The following VENTX variants were observed in gnomAD, a reference collection of about 807,000 sequenced individuals.
VENTX encodes the protein homeobox protein VENTX.
A neutral mutation model predicts 10.5 loss-of-function variants in VENTX; 13 were observed. That is an observed-to-expected ratio of 1.23 (90% CI 0.80 to 1.96). The LOEUF (loss-of-function observed/expected upper bound fraction) is 1.96. Ranked by LOEUF, VENTX falls within the 30% of genes most tolerant of loss-of-function variation. The pLI is 0.00. For synonymous variants in VENTX, 177 were observed against 150.4 expected (o/e 1.18, Z -1.29); for missense variants, 400 against 341.8 (o/e 1.17, Z -1.34).
rs1000354641 is a variant in VENTX at position 133,241,669 on chromosome 10, G to A, written c.*1363G>A. 2.6e-5 allele frequency: 4 copies of A among 152,248 alleles called. No individual in the cohort carries two copies. Among genetic ancestry groups the A allele is most frequent in the African/African-American group, 4.8e-5 (2 of 41,452 alleles). The allele number at this position is 152,248 out of a possible 1,614,324, so 9.4% of individuals were successfully genotyped here. ...AACAGAAGCGTGGTCCTGCGGCTGC[G>A]TCCCCAGCGAGTTTCACTTTCCCCT... On this transcript the variant is annotated 3_prime_UTR_variant, in exon 3 of 3. Coordinates refer to ENST00000325980, the MANE Select transcript of VENTX (RefSeq NM_014468.4).
rs753126544 is a variant in VENTX at position 133,238,000 on chromosome 10, C to T, written c.86C>T (p.Ser29Leu). ...SVDWLSQSSC[S>L]GPTHTPRPAD... ...GACTGGCTCTCCCAGAGCAGCTGCT[C>T]AGGGCCGACCCACACCCCCAGGCCT... is the stretch of plus-strand genomic sequence containing the variant. The change falls in exon 1 of 3, where the codon TCA becomes TTA. Residue 29 changes from serine to leucine, a missense_variant. Physicochemically the swap from Ser to Leu is moderately radical, Grantham distance 145. Transcript: ENST00000325980. The T allele has an allele frequency of 2.5e-6, 4 of 1,600,248 alleles. No homozygotes were observed. Among genetic ancestry groups the T allele is most frequent in the Middle Eastern group, 2.2e-4 (1 of 4,592 alleles).
In VENTX at chr10:133,240,975, C is replaced by G. The variant is rs775857366; in HGVS notation, c.*669C>G. ...TGTCATGGGTAGGGCTTTCGGCGTA[C>G]GATAAAAGGATCATTTGTTTTTTAA... On this transcript the variant is annotated 3_prime_UTR_variant, in exon 3 of 3. Coordinates refer to ENST00000325980, the MANE Select transcript of VENTX (RefSeq NM_014468.4). 6.6e-6 allele frequency: 1 copy of G among 151,974 alleles called. No individual in the cohort carries two copies. The highest frequency in any genetic ancestry group is 1.5e-5 in the Non-Finnish European group (1 of 68,016). 9.4% of individuals were successfully genotyped at this position (151,974 alleles called of 1,614,324 possible).
At chr10:133,239,006 C>T (rs1845891703) in intron 1 of VENTX, among the ~76,000 whole-genome samples, 1 of 152,220 alleles carries the variant, frequency 6.6e-6, no homozygotes, top group South Asian at 2.1e-4. Context: ...AAGGCATTTG[C>T]TTTTTGGGTC....
At position 133,239,658 on chromosome 10, in the gene VENTX, C is replaced by A; in HGVS notation, c.242-18C>A. 1 of 1,610,884 alleles carries A rather than the reference C, an allele frequency of 6.2e-7. No individual in the cohort carries two copies. The highest frequency in any genetic ancestry group is 8.5e-7 in the Non-Finnish European group (1 of 1,179,902). On this transcript the variant is annotated intron_variant, in intron 1 of 2. Transcript: ENST00000325980. The stretch of plus-strand genomic sequence containing the variant: ...TGGGGTGGCATGTTGAGCCAAATGC[C>A]CTTACCCTCTATGTCAGGGTTGAGT...
In VENTX at chr10:133,239,920, C is replaced by T; in HGVS notation, c.403-12C>T. ...TAGTCTCACCCCTGTTCTGATCTTG[C>T]TTTTCCTACAGATAAAAACCTGGTT... On this transcript the variant is annotated splice_polypyrimidine_tract_variant and intron_variant, in intron 2 of 2. Coordinates refer to ENST00000325980, the MANE Select transcript of VENTX (RefSeq NM_014468.4). 6.2e-7 allele frequency: 1 copy of T among 1,610,634 alleles called. No homozygotes were observed.
rs901550566 is a variant in VENTX, at chr10:133,241,830, A to G, written c.*1524A>G. 1.3e-5 allele frequency: 2 copies of G among 152,328 alleles called. No homozygotes were observed. Among genetic ancestry groups the G allele is most frequent in the Admixed American group, 6.5e-5 (1 of 15,294 alleles). The allele number at this position is 152,328 out of a possible 1,614,324, so 9.4% of individuals were successfully genotyped here. ...AGCCTGGGCGAGGCCCTCGGAGGGC[A>G]GCAGCTGGACAGGGACTACTGGGTT... On this transcript the variant is annotated 3_prime_UTR_variant, in exon 3 of 3. Coordinates refer to ENST00000325980, the MANE Select transcript of VENTX (RefSeq NM_014468.4).
chr10:133,240,176 C>T lies in VENTX; in HGVS notation c.647C>T (p.Ala216Val), dbSNP rs772114011. 15 of 1,609,322 alleles carry T rather than the reference C, an allele frequency of 9.3e-6. No individual in the cohort carries two copies. Among genetic ancestry groups the T allele is most frequent in the East Asian group, 6.7e-5 (3 of 44,868 alleles). Residue 216 changes from alanine (A) to valine (V), a missense_variant, in exon 3 of 3, where the codon GCG becomes GTG. Ala to Val is a moderately conservative substitution (Grantham distance 64, BLOSUM62 0). Coordinates refer to ENST00000325980, the MANE Select transcript of VENTX (RefSeq NM_014468.4). ...CQVAQEALASAGASCCGQPLA... is the reference protein window; with the variant it reads ...CQVAQEALASVGASCCGQPLA... ...GTGGCACAAGAGGCCCTGGCATCTG[C>T]GGGAGCTTCCTGCTGCGGGCAGCCT...
rs369681310 is a variant in VENTX at position 133,240,177 on chromosome 10, G to A, written c.648G>A (p.Ala216=). The change falls in exon 3 of 3, where the codon GCG becomes GCA. Residue 216 remains alanine (A), a synonymous_variant. Coordinates refer to ENST00000325980, the MANE Select transcript of VENTX (RefSeq NM_014468.4). ...TGGCACAAGAGGCCCTGGCATCTGC[G>A]GGAGCTTCCTGCTGCGGGCAGCCTC... ...CQVAQEALAS[A]GASCCGQPLA... is the part of the protein sequence containing the mutation. 97 of 1,609,348 alleles carry A rather than the reference G, an allele frequency of 6.0e-5. No individual in the cohort carries two copies. The highest frequency in any genetic ancestry group is 4.5e-5 in the East Asian group (2 of 44,862).
At position 133,240,291 on chromosome 10, in the gene VENTX, G is replaced by C. The variant is rs528996055; in HGVS notation, c.762G>C (p.Thr254=). The C allele has an allele frequency of 6.3e-7, 1 of 1,583,158 alleles. No homozygotes were observed. Among genetic ancestry groups the C allele is most frequent in the Admixed American group, 1.8e-5 (1 of 55,374 alleles). ...GPRGLCAMPQ[T]GDAF is the part of the protein sequence containing the mutation. ...GGGGCCTGTGTGCTATGCCACAGAC[G>C]GGGGATGCATTTTGAGGAGGCACCT... Residue 254 remains threonine (T), a synonymous_variant, in exon 3 of 3, where the codon ACG becomes ACC. Transcript: ENST00000325980.
At position 133,240,066 on chromosome 10, in the gene VENTX, C is replaced by G. The variant is rs1267202291; in HGVS notation, c.537C>G (p.Gly179=). The part of the protein sequence containing the change: ...FYSTSSGLAN[G]LQLLCPWAPL... ...CAACGTCTTCTGGCCTTGCCAATGG[C>G]CTGCAGCTGCTGTGCCCTTGGGCAC... The change falls in exon 3 of 3, where the codon GGC becomes GGG. Residue 179 remains glycine, a synonymous_variant. Coordinates refer to ENST00000325980, the MANE Select transcript of VENTX (RefSeq NM_014468.4). 2 of 1,611,618 alleles carry G rather than the reference C, an allele frequency of 1.2e-6. No individual in the cohort carries two copies. The highest frequency in any genetic ancestry group is 4.5e-5 in the East Asian group (2 of 44,904).
chr10:133,237,944 C>A lies in VENTX; in HGVS notation c.30C>A (p.Gly10=). 6.3e-7 allele frequency: 1 copy of A among 1,596,254 alleles called. No homozygotes were observed. Among genetic ancestry groups the A allele is most frequent in the Non-Finnish European group, 8.5e-7 (1 of 1,177,010 alleles). The change falls in exon 1 of 3, where the codon GGC becomes GGA. Residue 10 remains glycine (G), a synonymous_variant. Transcript: ENST00000325980. The part of the protein sequence containing the change: MRLSSSPPR[G]PQQLSSFGSV... ...GCCTCTCCTCCTCCCCACCTCGTGG[C>A]CCGCAGCAGCTCTCCAGCTTTGGCT...
rs1845917874 is a variant in VENTX at position 133,240,423 on chromosome 10, G to A, written c.*117G>A. 1 of 1,218,826 alleles carries A rather than the reference G, an allele frequency of 8.2e-7. No homozygotes were observed. 75.5% of individuals were successfully genotyped at this position (1,218,826 alleles called of 1,614,324 possible). A position where few individuals can be genotyped will look rare whatever the true frequency, so the allele number is the denominator to read the frequency against. On this transcript the variant is annotated 3_prime_UTR_variant, in exon 3 of 3. Transcript: ENST00000325980. ...CACCTCTCACCCTGACCCACACAAA[G>A]GTTCTGGAGATTACTGGAGAATATA...
In VENTX at chr10:133,239,757, G is replaced by A. The variant is rs140323759; in HGVS notation, c.323G>A (p.Gly108Asp). 1,215 of 1,611,286 alleles carry A rather than the reference G, an allele frequency of 7.5e-4. 11 individuals are homozygous for A. In the African/African-American group the frequency reaches 0.014, roughly 18 times the overall value. ...FTMEQVRTLE[G>D]VFQHHQYLSP... ...ATGGAGCAGGTCCGCACCTTGGAGG[G>A]CGTCTTCCAGCACCACCAGTACCTG... Residue 108 changes from glycine (G) to aspartate (D), a missense_variant, in exon 2 of 3, where the codon GGC becomes GAC. Transcript: ENST00000325980.
chr10:133,237,897 C>T lies in VENTX; in HGVS notation c.-18C>T, dbSNP rs1845871087. ...TGGCCAGCCCCGCCTGGCCTTCCCT[C>T]CGGCCCACCTGGCCGCCATGCGCCT... On this transcript the variant is annotated 5_prime_UTR_variant, in exon 1 of 3. Transcript: ENST00000325980. The T allele has an allele frequency of 6.4e-7, 1 of 1,568,056 alleles. No individual in the cohort carries two copies. The highest frequency in any genetic ancestry group is 1.4e-5 in the African/African-American group (1 of 74,014).
chr10:133,238,531 C>T (rs1564909569), intron 1 of VENTX, among the ~76,000 whole-genome samples: 1 of 125,044 alleles, frequency 8.0e-6, no homozygotes, highest in East Asian at 2.3e-4. Context: ...ATTTGCCAAG[C>T]CCCCCGCCCC....
In VENTX at chr10:133,241,034, A is replaced by G. The variant is rs1230831964; in HGVS notation, c.*728A>G. ...GGAAAAACTGGTTTTCCAGTTGGAAACAGTAAAGGTTGTAAGCTTTGTGTG... is the reference window on the plus strand; with the variant it reads ...GGAAAAACTGGTTTTCCAGTTGGAAGCAGTAAAGGTTGTAAGCTTTGTGTG... On this transcript the variant is annotated 3_prime_UTR_variant, in exon 3 of 3. Coordinates refer to ENST00000325980, the MANE Select transcript of VENTX (RefSeq NM_014468.4). 3 of 152,228 alleles carry G rather than the reference A, an allele frequency of 2.0e-5. No homozygotes were observed. Among genetic ancestry groups the G allele is most frequent in the African/African-American group, 7.2e-5 (3 of 41,458 alleles). The allele number at this position is 152,228 out of a possible 1,614,324, so 9.4% of individuals were successfully genotyped here. A position where few individuals can be genotyped will look rare whatever the true frequency, so the allele number is the denominator to read the frequency against.
Position 133,239,848 on chromosome 10 carries a change from C to T in VENTX, c.402+12C>T, listed in dbSNP as rs372876008. On this transcript the variant is annotated intron_variant, in intron 2 of 2. Transcript: ENST00000325980. The stretch of plus-strand genomic sequence containing the variant: ...TCTCAGAGGTCCAGGTGAGGTGGGC[C>T]GGGCAGGCTGGGGTGGGCAGGGGTG... 70 of 700,200 alleles carry T rather than the reference C, an allele frequency of 1.0e-4. No homozygotes were observed. Among genetic ancestry groups the T allele is most frequent in the African/African-American group, 7.8e-4 (31 of 39,788 alleles). The allele number at this position is 700,200 out of a possible 1,614,324, so 43.4% of individuals were successfully genotyped here.
chr10:133,238,289 C>T (rs1001846022), intron 1 of VENTX, 134 bp downstream of exon 1: 38 of 1,186,058 alleles, frequency 3.2e-5, no homozygotes, highest in Middle Eastern at 2.9e-4. Flanking sequence ...CCATGAGGGC[C>T]GGCGGAGGCC....
chr10:133,240,453 A>AATATATATACGTACATATATATATTT lies in VENTX; in HGVS notation c.*156_*157insCGTACATATATATATTTATATATATA. On this transcript the variant is annotated 3_prime_UTR_variant, in exon 3 of 3. Transcript: ENST00000325980. ...TGGAGATTACTGGAGAATATATATA[A>AATATATATACGTACATATATATATTT]ATATATATATGTACGTATATATGTA... The AATATATATACGTACATATATATATTT allele has an allele frequency of 1.6e-6, 1 of 607,054 alleles. No homozygotes were observed. Among genetic ancestry groups the AATATATATACGTACATATATATATTT allele is most frequent in the Non-Finnish European group, 2.4e-6 (1 of 408,246 alleles). The allele number at this position is 607,054 out of a possible 1,614,324, so 37.6% of individuals were successfully genotyped here.
Sources: gnomAD v4.1 joint callset for allele counts (sites outside exome capture counted in the v4.1 genomes callset) on GRCh38, gnomAD v4.1.1 for gene constraint, MANE v1.5 for transcripts, NCBI Gene and HGNC (gene_info 2026-07-23, HGNC 2026-07-21) for gene names.